LOC400499: variants seen among roughly 807,000 people sequenced by gnomAD.
chr16:11,489,081 T>C, the LOC400499 span, among the ~76,000 whole-genome samples: 1 of 152,206 alleles, frequency 6.6e-6, no homozygotes, highest in East Asian at 1.9e-4. Flanking sequence ...AGCCCGTGTA[T>C]GGAATTCTGA....
At chr16:11,450,505 A>G in the LOC400499 span, 4 of 1,115,208 alleles carry the variant, frequency 3.6e-6, no homozygotes, top group South Asian at 3.0e-5. Flanking sequence ...CACACCTGTG[A>G]GCTGCTATCT....
At chr16:11,500,872 C>G in the LOC400499 span, 10 of 399,178 alleles carry the variant, frequency 2.5e-5, no homozygotes, top group East Asian at 3.6e-4. Context: ...CACGCCTCCA[C>G]CTCGTCTGCC....
chr16:11,388,671 A>T, the LOC400499 span, among the ~76,000 whole-genome samples: 14,897 of 152,192 alleles, frequency 0.098, 1,124 homozygotes, highest in Middle Eastern at 0.21. Flanking sequence ...GGGCGATCAC[A>T]TCCTTCCTAG....
At chr16:11,392,089 G>A in the LOC400499 span, 1 of 399,240 alleles carries the variant, frequency 2.5e-6, no homozygotes, top group Non-Finnish European at 4.4e-6. Flanking sequence ...GGAGCCAACT[G>A]CTGCAATCCT....
chr16:11,411,509 T>C, the LOC400499 span, among the ~76,000 whole-genome samples: 9 of 152,200 alleles, frequency 5.9e-5, no homozygotes, highest in Admixed American at 5.9e-4. Context: ...GGTGCCCTGG[T>C]TAGGGCTGGA....
chr16:11,480,442 T>C, the LOC400499 span, among the ~76,000 whole-genome samples: 1 of 152,268 alleles, frequency 6.6e-6, no homozygotes, highest in Non-Finnish European at 1.5e-5. Context: ...GCCCCAACCG[T>C]CTACCTTGGT....
chr16:11,381,735 T>G, the LOC400499 span, among the ~76,000 whole-genome samples: 22 of 152,206 alleles, frequency 1.4e-4, no homozygotes, highest in African/African-American at 4.3e-4. Context: ...CTCATGCTTA[T>G]TTTCTCTTAC....
chr16:11,450,684 G>T, the LOC400499 span: 13 of 1,536,172 alleles, frequency 8.5e-6, no homozygotes, highest in Non-Finnish European at 9.6e-6. Context: ...TGCAGCCCAC[G>T]CTGACCACCA....
chr16:11,447,394 T>C, the LOC400499 span, among the ~76,000 whole-genome samples: 11 of 152,294 alleles, frequency 7.2e-5, no homozygotes, highest in Admixed American at 2.0e-4. Flanking sequence ...GTTTCTGACA[T>C]TCCGGTTCTC....
the LOC400499 span, among the ~76,000 whole-genome samples, chr16:11,409,760 T>C: frequency 1.3e-5 from 2 of 152,230 alleles, no homozygotes; most frequent in East Asian, 3.8e-4. Flanking sequence ...GAAAATATCC[T>C]TGTTACAGGA....
chr16:11,384,444 G>C, the LOC400499 span: 1 of 480,496 alleles, frequency 2.1e-6, no homozygotes, highest in Non-Finnish European at 3.3e-6. Context: ...AGGAGCAGTA[G>C]AGTCCCACCA....
the LOC400499 span, chr16:11,390,356 C>G: frequency 8.1e-7 from 1 of 1,234,324 alleles, no homozygotes; most frequent in Non-Finnish European, 1.0e-6. Flanking sequence ...ATCCCGGGCA[C>G]CCAGGCCTGC....
At chr16:11,408,064 C>CCT in the LOC400499 span, among the ~76,000 whole-genome samples, 1 of 144,426 alleles carries the variant, frequency 6.9e-6, no homozygotes, top group African/African-American at 2.5e-5. Context: ...CTCACTGCAA[C>CCT]CTCTGCCTCC....
At chr16:11,448,214 GA>G in the LOC400499 span, 4 of 1,089,274 alleles carry the variant, frequency 3.7e-6, no homozygotes, top group Non-Finnish European at 5.1e-6. Flanking sequence ...CTACTGAACT[GA>G]GCCACAGCCT....
the LOC400499 span, among the ~76,000 whole-genome samples, chr16:11,463,250 C>G: frequency 2.4e-5 from 2 of 83,786 alleles, no homozygotes; most frequent in East Asian, 4.3e-4. Flanking sequence ...CCTGTAGGCT[C>G]CCCACCCCCA....
At chr16:11,385,197 CCT>C in the LOC400499 span, 2 of 1,231,968 alleles carry the variant, frequency 1.6e-6, no homozygotes, top group Non-Finnish European at 1.0e-6. Context: ...GGCTGCCATG[CCT>C]CTCCTGCTCA....
chr16:11,516,671 T>C, the LOC400499 span, among the ~76,000 whole-genome samples: 2 of 152,210 alleles, frequency 1.3e-5, no homozygotes, highest in Non-Finnish European at 2.9e-5. Flanking sequence ...CACTTGGGAA[T>C]ATTGCCTTTT....
the LOC400499 span, among the ~76,000 whole-genome samples, chr16:11,511,276 C>T: frequency 1.3e-5 from 2 of 152,192 alleles, no homozygotes; most frequent in Non-Finnish European, 2.9e-5. Flanking sequence ...GGATTACAGG[C>T]TTGAGCCACT....
At chr16:11,481,390 T>C in the LOC400499 span, among the ~76,000 whole-genome samples, 1 of 152,224 alleles carries the variant, frequency 6.6e-6, no homozygotes, top group African/African-American at 2.4e-5. Context: ...TGGTGCAATC[T>C]TGGTTCACTG....
Sources: allele counts gnomAD v4.1 joint callset (sites outside exome capture counted in the v4.1 genomes callset), GRCh38; gene constraint gnomAD v4.1.1; transcripts MANE v1.5.